Variants in CNTNAP2 observed in about 807,000 individuals in gnomAD.
CNTNAP2 encodes contactin associated protein 2, also known as contactin-associated protein-like 2.
Under a neutral mutation model 155.2 loss-of-function variants are expected in CNTNAP2, and 98 were observed. The observed-to-expected ratio is 0.63, with a 90% CI of 0.54 to 0.75. The LOEUF (loss-of-function observed/expected upper bound fraction) is 0.75. CNTNAP2 is among the 30% of genes least tolerant of loss of function. CNTNAP2 has a pLI of 0.00. For missense variants in CNTNAP2, 1,727 were observed against 1,688.1 expected (o/e 1.02, Z -0.40); for synonymous variants, 651 against 631.2 (o/e 1.03, Z -0.47).
In CNTNAP2 at chr7:146,423,898, G is replaced by A. The variant is rs189654299; in HGVS notation, c.97+306925G>A. On this transcript the variant is annotated intron_variant, in intron 1 of 23. Coordinates refer to ENST00000361727, the MANE Select transcript of CNTNAP2 (RefSeq NM_014141.6). The stretch of plus-strand genomic sequence containing the variant: ...AATTCAGATAATAAGGCTATGAAAT[G>A]TATCACGTTACTCAATTTCTGTGAT... Among the ~76,000 whole-genome samples, 3 of 152,254 alleles carry A rather than the reference G, an allele frequency of 2.0e-5. No individual in the cohort carries two copies. In the East Asian group the frequency reaches 5.8e-4, roughly 29 times the overall value.
intron 9 of CNTNAP2, among the ~76,000 whole-genome samples, chr7:147,313,633 G>A (rs1463245059): frequency 6.6e-6 from 1 of 151,460 alleles, no homozygotes; most frequent in Non-Finnish European, 1.5e-5. Context: ...TCTCTGTTTT[G>A]GTACCATTAC....
chr7:146,598,886 A>G (rs1798904044), intron 1 of CNTNAP2, among the ~76,000 whole-genome samples: 1 of 152,072 alleles, frequency 6.6e-6, no homozygotes, highest in Non-Finnish European at 1.5e-5. Context: ...CACTTCAGTG[A>G]TGTAAATTCT....
intron 1 of CNTNAP2, among the ~76,000 whole-genome samples, chr7:146,565,301 A>G (rs1798340378): frequency 6.6e-6 from 1 of 152,112 alleles, no homozygotes; most frequent in Admixed American, 6.5e-5. Context: ...TATTGGTATA[A>G]TTTAGAGAAA....
chr7:146,577,524 T>C lies in CNTNAP2; in HGVS notation c.98-196747T>C, dbSNP rs187431378. ...TCACAGTTTTCATCTAATTAGACTT[T>C]TAAATTTTTTTTGTTTCGTGATTAA... On this transcript the variant is annotated intron_variant, in intron 1 of 23. Coordinates refer to ENST00000361727, the MANE Select transcript of CNTNAP2 (RefSeq NM_014141.6). 8.8e-3 allele frequency among the ~76,000 whole-genome samples: 1,333 copies of C among 152,254 alleles called. 8 individuals are homozygous for C. Among genetic ancestry groups the C allele is most frequent in the Admixed American group, 0.015 (222 of 15,286 alleles).
intron 1 of CNTNAP2, among the ~76,000 whole-genome samples, chr7:146,266,447 T>C (rs1352213545): frequency 6.6e-6 from 1 of 152,206 alleles, no homozygotes; most frequent in East Asian, 1.9e-4. Flanking sequence ...ACTAAAAACC[T>C]TGACAAGTAC....
At chr7:148,032,470 G>T (rs553464909) in intron 15 of CNTNAP2, among the ~76,000 whole-genome samples, 2 of 152,158 alleles carry the variant, frequency 1.3e-5, no homozygotes, top group Non-Finnish European at 2.9e-5. Context: ...CTGGAGCCCA[G>T]TGAAAGGTGC....
chr7:148,187,861 C>A (rs1433036511), intron 18 of CNTNAP2, among the ~76,000 whole-genome samples: 1 of 152,096 alleles, frequency 6.6e-6, no homozygotes, highest in Non-Finnish European at 1.5e-5. Context: ...TGCAAGCATA[C>A]AAGAGTATGC....
chr7:147,153,542 C>T (rs1801866479), intron 8 of CNTNAP2, among the ~76,000 whole-genome samples: 1 of 151,856 alleles, frequency 6.6e-6, no homozygotes, highest in East Asian at 1.9e-4. Context: ...ACATTCCAGG[C>T]AGAGAGAAAA....
intron 14 of CNTNAP2, chr7:147,940,005 C>A (rs1048898071): frequency 1.3e-5 from 2 of 152,048 alleles, no homozygotes; most frequent in African/African-American, 4.8e-5. Flanking sequence ...TACTTTAGAG[C>A]CAAGCATGGT....
chr7:147,926,390 C>T (rs1385255985), intron 14 of CNTNAP2, among the ~76,000 whole-genome samples: 1 of 152,068 alleles, frequency 6.6e-6, no homozygotes, highest in Non-Finnish European at 1.5e-5. Flanking sequence ...CCTTTTCTTC[C>T]ATAATAAAAT....
At chr7:147,435,582 T>C (rs1260706013) in intron 10 of CNTNAP2, among the ~76,000 whole-genome samples, 1 of 152,218 alleles carries the variant, frequency 6.6e-6, no homozygotes, top group Admixed American at 6.5e-5. Flanking sequence ...CTGGCCATTT[T>C]AGGTAGTTTT....
chr7:146,300,387 T>C (rs1800586384), intron 1 of CNTNAP2, among the ~76,000 whole-genome samples: 1 of 151,460 alleles, frequency 6.6e-6, no homozygotes, highest in African/African-American at 2.4e-5. Flanking sequence ...CAATGGAAAA[T>C]TGGTACTCTT....
intron 8 of CNTNAP2, among the ~76,000 whole-genome samples, chr7:147,250,462 C>T (rs1804172814): frequency 6.6e-6 from 1 of 152,100 alleles, no homozygotes; most frequent in Non-Finnish European, 1.5e-5. Flanking sequence ...GGGAAATTCC[C>T]TCTGAAATCC....
At chr7:146,787,280 G>A (rs1231008290) in intron 2 of CNTNAP2, among the ~76,000 whole-genome samples, 2 of 152,150 alleles carry the variant, frequency 1.3e-5, no homozygotes, top group East Asian at 1.9e-4. Context: ...CGGAATTGGT[G>A]GGTTTTTGGT....
At chr7:148,363,684 G>A (rs1042228038) in intron 21 of CNTNAP2, among the ~76,000 whole-genome samples, 1 of 152,184 alleles carries the variant, frequency 6.6e-6, no homozygotes, top group Non-Finnish European at 1.5e-5. Flanking sequence ...GCTTGCTCTC[G>A]GCACCTCCCC....
chr7:147,833,169 G>A (rs1406500652), intron 13 of CNTNAP2, among the ~76,000 whole-genome samples: 2 of 148,572 alleles, frequency 1.3e-5, no homozygotes, highest in South Asian at 2.1e-4. Context: ...TGCTAGCATC[G>A]TAGATACAAC....
chr7:146,563,834 G>A (rs1003345844), intron 1 of CNTNAP2, among the ~76,000 whole-genome samples: 2 of 152,080 alleles, frequency 1.3e-5, no homozygotes, highest in African/African-American at 4.8e-5. Context: ...TGGATGACTT[G>A]TCAGGAAAGA....
intron 18 of CNTNAP2, among the ~76,000 whole-genome samples, chr7:148,214,607 C>G (rs1193142011): frequency 6.6e-6 from 1 of 152,140 alleles, no homozygotes; most frequent in East Asian, 1.9e-4. Flanking sequence ...GAGTCTCTCT[C>G]TGCGGCCAGG....
chr7:148,306,567 C>T (rs1010586184), intron 21 of CNTNAP2, among the ~76,000 whole-genome samples: 1 of 152,062 alleles, frequency 6.6e-6, no homozygotes, highest in Non-Finnish European at 1.5e-5. Context: ...TTGAGTTTTT[C>T]ACTTCTTTTT....
Sources: gnomAD v4.1 joint callset for allele counts (sites outside exome capture counted in the v4.1 genomes callset) on GRCh38, gnomAD v4.1.1 for gene constraint, MANE v1.5 for transcripts, NCBI Gene and HGNC (gene_info 2026-07-23, HGNC 2026-07-21) for gene names.